Variants in HMGN1 observed in about 807,000 individuals in gnomAD.
HMGN1 encodes the protein non-histone chromosomal protein HMG-14.
In HMGN1, 9 loss-of-function variants were observed where a neutral mutation model predicts 18.4. The observed-to-expected ratio is 0.49, with a 90% CI of 0.29 to 0.85. The LOEUF (loss-of-function observed/expected upper bound fraction) is 0.85. HMGN1 is among the 40% of genes least tolerant of loss of function. HMGN1 has a pLI of 0.07. For missense variants in HMGN1, 151 were observed against 119.2 expected (o/e 1.27, Z -1.24); for synonymous variants, 59 against 45.0 (o/e 1.31, Z -1.24).
chr21:39,348,605 G>T (rs199956089), intron 1 of HMGN1, 28 bp from the exon 2 acceptor site: 8 of 1,568,350 alleles, frequency 5.1e-6, no homozygotes, highest in Non-Finnish European at 6.9e-6. Context: ...CACGAATAGA[G>T]GCGGGCCGCA....
chr21:39,343,476 C>T (rs2036935406), intron 5 of HMGN1, among the ~76,000 whole-genome samples: 1 of 152,182 alleles, frequency 6.6e-6, no homozygotes, highest in African/African-American at 2.4e-5. Flanking sequence ...CTACTTAGTG[C>T]CACATATTTT....
At chr21:39,348,639 C>A in intron 1 of HMGN1, 62 bp from the exon 2 acceptor site, 2 of 1,512,396 alleles carry the variant, frequency 1.3e-6, no homozygotes, top group South Asian at 2.5e-5. Flanking sequence ...CGGGCCCGCC[C>A]GGCCCCGAGA....
At chr21:39,346,157 C>T (rs189707666) in intron 4 of HMGN1, 1 of 359,520 alleles carries the variant, frequency 2.8e-6, no homozygotes, top group Non-Finnish European at 5.4e-6. Context: ...ATAAAAGACC[C>T]ATACGGATAC....
chr21:39,348,158 C>A (rs1170899448), intron 4 of HMGN1, 134 bp downstream of exon 4: 36 of 1,213,552 alleles, frequency 3.0e-5, no homozygotes, highest in African/African-American at 4.7e-5. Flanking sequence ...TTGCCTCGAC[C>A]ACTAGAAAAA....
chr21:39,348,859 G>A (rs1320942079), intron 1 of HMGN1, 44 bp downstream of exon 1: 35 of 1,079,646 alleles, frequency 3.2e-5, no homozygotes, highest in South Asian at 4.4e-5. Context: ...CGGGGCGCCG[G>A]CGGCGGCTCC....
chr21:39,348,243 A>C lies in HMGN1; in HGVS notation c.126+49T>G, dbSNP rs777288484. On this transcript the variant is annotated intron_variant, in intron 4 of 5. Transcript: ENST00000380749. Reference sequence around the variant, plus strand: ...AAATGGAAGCCCCGCATTAAGAAGCAGTGTAGCCTAAGGCCCCGCTGCATC... The same window carrying C: ...AAATGGAAGCCCCGCATTAAGAAGCCGTGTAGCCTAAGGCCCCGCTGCATC... 3.1e-6 allele frequency: 5 copies of C among 1,601,174 alleles called. No individual in the cohort carries two copies. The Admixed American group carries it at 8.3e-5, about 27-fold the overall frequency.
chr21:39,348,446 C>T lies in HMGN1; in HGVS notation c.54G>A (p.Lys18=), dbSNP rs755608515. ...CAGCTGACAACCGCGCCGATCTCCT[C>T]TTGGGCTTGGAGAAAGAAAAAGGAG... ...SAEGAAKEEP[K]RRSARLSAKP... Residue 18 remains lysine, a synonymous_variant, in exon 3 of 6, where the codon AAG becomes AAA. Coordinates refer to ENST00000380749, the MANE Select transcript of HMGN1 (RefSeq NM_004965.7). The T allele has an allele frequency of 2.5e-6, 4 of 1,614,096 alleles. No individual in the cohort carries two copies. In the South Asian group the frequency reaches 3.3e-5, roughly 13 times the overall value.
chr21:39,347,490 G>A (rs2037096484), intron 4 of HMGN1: 1 of 1,250,324 alleles, frequency 8.0e-7, no homozygotes, highest in African/African-American at 1.5e-5. Flanking sequence ...TACACTTTTA[G>A]GAAAGAGGTG....
intron 5 of HMGN1, among the ~76,000 whole-genome samples, chr21:39,343,806 T>C (rs1452243795): frequency 6.6e-6 from 1 of 152,218 alleles, no homozygotes; most frequent in Non-Finnish European, 1.5e-5. Context: ...GTTTCATACT[T>C]GTGGCAGCCT....
In HMGN1 at chr21:39,349,031, ACTC is replaced by A. The variant is rs1273887301; in HGVS notation, c.-117_-115del. 1.8e-6 allele frequency: 2 copies of A among 1,123,886 alleles called. No homozygotes were observed. The highest frequency in any genetic ancestry group is 3.3e-5 in the African/African-American group (2 of 60,294). The allele number at this position is 1,123,886 out of a possible 1,614,324, so 69.6% of individuals were successfully genotyped here. A position where few individuals can be genotyped will look rare whatever the true frequency, so the allele number is the denominator to read the frequency against. The stretch of plus-strand genomic sequence containing the variant: ...GAAACTGGGCTGCCTTGCCGCTGCC[ACTC>A]CTCCCGCCGCCCGAGCTGCTGAGAC... On this transcript the variant is annotated 5_prime_UTR_variant, in exon 1 of 6. Transcript: ENST00000380749.
chr21:39,347,801 G>A (rs916212102), intron 4 of HMGN1: 1 of 328,148 alleles, frequency 3.0e-6, no homozygotes, highest in African/African-American at 2.3e-5. Flanking sequence ...AACACTTCCA[G>A]AGTAGTGGCG....
intron 5 of HMGN1, 54 bp downstream of exon 5, chr21:39,345,092 G>C: frequency 1.9e-6 from 2 of 1,065,034 alleles, no homozygotes; most frequent in Non-Finnish European, 2.6e-6. Context: ...AGTATCTACT[G>C]TTCAGAGTCA....
At position 39,343,061 on chromosome 21, in the gene HMGN1, A is replaced by G; in HGVS notation, c.*51T>C. ...ATAGTTGATAAAAATATTCCTCTGG[A>G]TTGTACAAGAAGGGAGACAGGGACC... is the stretch of plus-strand genomic sequence containing the variant. On this transcript the variant is annotated 3_prime_UTR_variant, in exon 6 of 6. Transcript: ENST00000380749. 1.5e-6 allele frequency: 2 copies of G among 1,320,806 alleles called. No homozygotes were observed. 81.8% of individuals were successfully genotyped at this position (1,320,806 alleles called of 1,614,324 possible).
rs751806477 is a variant in HMGN1, at chr21:39,345,174, G to T, written c.227C>A (p.Ala76Glu). ...CTCAGTCTTCGTTTCCCCGTTTTCC[G>T]CAGGTAAGTCTTCTTTAGTTTCTTG... ...ANQETKEDLP[A>E]ENGETKTEES... Residue 76 changes from alanine to glutamate, a missense_variant, in exon 5 of 6, where the codon GCG (alanine) becomes GAG (glutamate). By Grantham distance (107) the Ala-to-Glu change is moderately radical (BLOSUM62 -1). Transcript: ENST00000380749. 1 of 1,604,814 alleles carries T rather than the reference G, an allele frequency of 6.2e-7. No homozygotes were observed. Among genetic ancestry groups the T allele is most frequent in the African/African-American group, 1.4e-5 (1 of 73,666 alleles).
chr21:39,343,247 TA>T (rs1398158164), intron 5 of HMGN1, 88 bp from the exon 6 acceptor site: 17 of 1,298,850 alleles, frequency 1.3e-5, no homozygotes, highest in Admixed American at 6.7e-5. Context: ...AAAAAGTCAA[TA>T]ACCTTTGTTA....
Position 39,348,323 on chromosome 21 carries a change from A to G in HMGN1, c.95T>C (p.Val32Ala). 1 of 1,614,108 alleles carries G rather than the reference A, an allele frequency of 6.2e-7. No individual in the cohort carries two copies. Among genetic ancestry groups the G allele is most frequent in the Non-Finnish European group, 8.5e-7 (1 of 1,180,006 alleles). The part of the protein sequence containing the change: ...ARLSAKPPAK[V>A]EAKPKKAAAK... ...TGCTGCCTTTTTCGGCTTCGCTTCC[A>G]CTTTTGCAGGAGGTTTCTGAAAGGC... The change falls in exon 4 of 6, where the codon GTG becomes GCG. Residue 32 changes from valine to alanine, a missense_variant. Physicochemically the swap from Val to Ala is moderately conservative, Grantham distance 64. Transcript: ENST00000380749.
chr21:39,347,389 C>T, intron 4 of HMGN1: 1 of 1,200,974 alleles, frequency 8.3e-7, no homozygotes, highest in Non-Finnish European at 1.1e-6. Context: ...CTTTATTTAA[C>T]AAGGACAAAT....
Position 39,348,330 on chromosome 21 carries a change from CAGG to C in HMGN1, c.85_87del (p.Pro29del), listed in dbSNP as rs1192417265. 32 of 1,614,050 alleles carry C rather than the reference CAGG, an allele frequency of 2.0e-5. No individual in the cohort carries two copies. Among genetic ancestry groups the C allele is most frequent in the South Asian group, 4.4e-5 (4 of 91,082 alleles). ...TTTTTCGGCTTCGCTTCCACTTTTG[CAGG>C]AGGTTTCTGAAAGGCAAAAGCAGCA... On this transcript the variant is annotated inframe_deletion, in exon 4 of 6. Transcript: ENST00000380749.
rs539460784 is a variant in HMGN1 at position 39,347,056 on chromosome 21, A to AC, written c.126+1235_126+1236insG. ...GCAGATATTTCAGCCAATTAGTTTA[A>AC]AACACACACACACACACACACACAA... On this transcript the variant is annotated intron_variant, in intron 4 of 5. Coordinates refer to ENST00000380749, the MANE Select transcript of HMGN1 (RefSeq NM_004965.7). The AC allele has an allele frequency of 6.3e-3, 830 of 132,238 alleles. 9 individuals carry two copies. Among genetic ancestry groups the AC allele is most frequent in the Non-Finnish European group, 9.0e-3 (519 of 57,892 alleles). The allele number at this position is 132,238 out of a possible 1,614,324, so 8.2% of individuals were successfully genotyped here.
Sources: gnomAD v4.1 joint callset for allele counts (sites outside exome capture counted in the v4.1 genomes callset) on GRCh38, gnomAD v4.1.1 for gene constraint, MANE v1.5 for transcripts, NCBI Gene and HGNC (gene_info 2026-07-23, HGNC 2026-07-21) for gene names.